Variants in TRAPPC9 observed in about 807,000 individuals in gnomAD.
TRAPPC9 encodes the protein trafficking protein particle complex subunit 9, also known as IKK2 binding protein.
A neutral mutation model predicts 124.0 loss-of-function variants in TRAPPC9; 83 were observed. The observed-to-expected ratio is 0.67, with a 90% CI of 0.56 to 0.80. The LOEUF (loss-of-function observed/expected upper bound fraction) is 0.80, where lower values mean the gene tolerates loss of function less well. Among genes scored for constraint, TRAPPC9 ranks in the 30% least tolerant of loss-of-function variants. TRAPPC9 has a pLI of 0.00. For synonymous variants in TRAPPC9, 638 were observed against 617.5 expected (o/e 1.03, Z -0.49); for missense variants, 1,302 against 1,508.3 (o/e 0.86, Z 2.27).
chr8:140,326,974 G>A (rs922283290), intron 9 of TRAPPC9, among the ~76,000 whole-genome samples: 9 of 152,208 alleles, frequency 5.9e-5, no homozygotes, highest in South Asian at 2.1e-4. Context: ...CATCCAGGCC[G>A]GGCGCGGTGG....
At chr8:140,088,866 C>T (rs1300893294) in intron 17 of TRAPPC9, among the ~76,000 whole-genome samples, 3 of 152,066 alleles carry the variant, frequency 2.0e-5, no homozygotes, top group African/African-American at 7.2e-5. Flanking sequence ...AAGTAGAGTA[C>T]GATCCACTTT....
At chr8:140,239,243 C>T (rs902684940) in intron 16 of TRAPPC9, among the ~76,000 whole-genome samples, 6 of 152,006 alleles carry the variant, frequency 3.9e-5, no homozygotes, top group African/African-American at 7.2e-5. Context: ...CACAGGCAGG[C>T]GGGCAGCTGG....
chr8:139,803,244 G>A (rs902967564), intron 21 of TRAPPC9, among the ~76,000 whole-genome samples: 7 of 152,230 alleles, frequency 4.6e-5, no homozygotes, highest in African/African-American at 1.7e-4. Flanking sequence ...GCTGTTGAGT[G>A]TGTGTGTGTC....
intron 7 of TRAPPC9, among the ~76,000 whole-genome samples, chr8:140,391,410 T>A (rs2068919107): frequency 6.6e-6 from 1 of 152,240 alleles, no homozygotes. Context: ...CATTTTTGAC[T>A]AATTAAGAGT....
At chr8:139,832,350 C>T (rs963287539) in intron 21 of TRAPPC9, among the ~76,000 whole-genome samples, 2 of 152,258 alleles carry the variant, frequency 1.3e-5, no homozygotes, top group Non-Finnish European at 2.9e-5. Context: ...AAGGCACGTA[C>T]ACCATGCAGA....
intron 17 of TRAPPC9, among the ~76,000 whole-genome samples, chr8:140,211,223 T>C (rs543282238): frequency 6.6e-6 from 1 of 152,090 alleles, no homozygotes; most frequent in Admixed American, 6.5e-5. Flanking sequence ...CCAGACCACA[T>C]CTCTACAACA....
rs1054800283 is a variant in TRAPPC9, at chr8:140,338,979, C to T, written c.1495+21071G>A. Among the ~76,000 whole-genome samples, 7 of 135,548 alleles carry T rather than the reference C, an allele frequency of 5.2e-5. No individual in the cohort carries two copies. In the East Asian group the frequency reaches 8.7e-4, roughly 17 times the overall value. The allele number at this position is 135,548 out of a possible 152,430, so 88.9% of individuals were successfully genotyped here. ...CGCCACCAGACGGCCACCTACAGGC[C>T]GACGGGAAACGGCTCAGAGAAAACC... On this transcript the variant is annotated intron_variant, in intron 9 of 22. Coordinates refer to ENST00000438773, the MANE Select transcript of TRAPPC9 (RefSeq NM_001160372.4).
At chr8:140,242,356 A>G (rs2063881309) in intron 16 of TRAPPC9, among the ~76,000 whole-genome samples, 1 of 152,170 alleles carries the variant, frequency 6.6e-6, no homozygotes. Context: ...AAAGAGGGAG[A>G]GAAGATGGAG....
intron 17 of TRAPPC9, among the ~76,000 whole-genome samples, chr8:140,108,038 C>T (rs781515107): frequency 2.0e-5 from 3 of 146,702 alleles, no homozygotes; most frequent in African/African-American, 7.6e-5. Flanking sequence ...TGTGTTTATA[C>T]ATAGACAGGT....
chr8:140,080,428 C>A (rs1398780447), intron 17 of TRAPPC9, among the ~76,000 whole-genome samples: 1 of 152,184 alleles, frequency 6.6e-6, no homozygotes, highest in Non-Finnish European at 1.5e-5. Context: ...GCTGGAATGT[C>A]CACAAGCATG....
chr8:140,272,130 C>CAATGATGATGGTGGCGATGGCGATGGT (rs1450234909), intron 15 of TRAPPC9, among the ~76,000 whole-genome samples: 3 of 100,382 alleles, frequency 3.0e-5, no homozygotes, highest in Non-Finnish European at 6.7e-5. Context: ...GTGATGGTGG[C>CAATGATGATGGTGGCGATGGCGATGGT]GATGGTGATG....
At chr8:140,427,701 G>A (rs2070479752) in intron 4 of TRAPPC9, among the ~76,000 whole-genome samples, 1 of 152,080 alleles carries the variant, frequency 6.6e-6, no homozygotes, top group Admixed American at 6.6e-5. Flanking sequence ...AAAAAGGTAT[G>A]TCCCAATAAT....
Position 140,140,052 on chromosome 8 carries a change from G to A in TRAPPC9, c.2556+81407C>T, listed in dbSNP as rs996819175. On this transcript the variant is annotated intron_variant, in intron 17 of 22. Transcript: ENST00000438773. ...CCAGTGAAGGCAGGACCACAACGGG[G>A]TGCTTGTGTGCAGTGAGTGGCAAAC... 1.3e-5 allele frequency among the ~76,000 whole-genome samples: 2 copies of A among 152,202 alleles called. 1 individual carries two copies. The highest frequency in any genetic ancestry group is 4.1e-4 in the South Asian group (2 of 4,828).
At chr8:140,049,737 C>A (rs1039775609) in intron 17 of TRAPPC9, among the ~76,000 whole-genome samples, 4 of 152,326 alleles carry the variant, frequency 2.6e-5, no homozygotes, top group South Asian at 4.1e-4. Flanking sequence ...GATCTCTGAG[C>A]AGCCTTCCTG....
chr8:140,324,959 CCA>C (rs1159557585), intron 9 of TRAPPC9, among the ~76,000 whole-genome samples: 5 of 151,764 alleles, frequency 3.3e-5, no homozygotes, highest in Non-Finnish European at 7.4e-5. Flanking sequence ...AAATGCCACA[CCA>C]TAAAACACAT....
At chr8:139,784,946 A>G (rs13268626) in intron 21 of TRAPPC9, among the ~76,000 whole-genome samples, 3,262 of 152,248 alleles carry the variant, frequency 0.021, 45 homozygotes, top group Non-Finnish European at 0.033. Flanking sequence ...AAAAAAATAG[A>G]AAGTGGCAAA....
At chr8:139,957,571 C>T (rs368759638) in intron 19 of TRAPPC9, among the ~76,000 whole-genome samples, 8 of 152,182 alleles carry the variant, frequency 5.3e-5, no homozygotes, top group Non-Finnish European at 1.0e-4. Flanking sequence ...GCGCCTGGCA[C>T]GTGTGCTCAG....
intron 6 of TRAPPC9, among the ~76,000 whole-genome samples, chr8:140,397,960 G>C (rs575965838): frequency 6.6e-6 from 1 of 152,180 alleles, no homozygotes; most frequent in Non-Finnish European, 1.5e-5. Flanking sequence ...GAGGGACCTG[G>C]TGGGAGATCA....
At chr8:139,968,565 A>C (rs1175718939) in intron 19 of TRAPPC9, among the ~76,000 whole-genome samples, 5 of 152,202 alleles carry the variant, frequency 3.3e-5, no homozygotes, top group Non-Finnish European at 7.3e-5. Flanking sequence ...CCGCTCCTTA[A>C]GGGAGACGTT....
Sources: allele counts gnomAD v4.1 joint callset (sites outside exome capture counted in the v4.1 genomes callset), GRCh38; gene constraint gnomAD v4.1.1; transcripts MANE v1.5; gene names NCBI Gene and HGNC (gene_info 2026-07-23, HGNC 2026-07-21).